RBFOX1: variants seen among roughly 807,000 people sequenced by gnomAD.
RBFOX1 encodes the protein RNA binding fox-1 homolog 1, also known as RNA binding protein fox-1 homolog 1.
A neutral mutation model predicts 57.7 loss-of-function variants in RBFOX1; 8 were observed. The ratio of observed to expected loss-of-function variants is 0.14; its 90% CI spans 0.08 to 0.25. The LOEUF (loss-of-function observed/expected upper bound fraction) is 0.25. RBFOX1 is among the 10% of genes least tolerant of loss of function. The probability of loss-of-function intolerance (pLI) is 1.00; values close to 1 mark genes in which losing one functional copy is unlikely to be tolerated. For synonymous variants in RBFOX1, 326 were observed against 222.4 expected, an observed-to-expected ratio of 1.47 and a Z score of -4.15; for missense variants, 611 against 548.5, an observed-to-expected ratio of 1.11 and a Z score of -1.14.
chr16:6,020,055 G>T, intron 1 of RBFOX1, 63 bp downstream of exon 1: 5 of 1,366,808 alleles, frequency 3.7e-6, no homozygotes, highest in Non-Finnish European at 4.8e-6. Flanking sequence ...GGTCCAGAAG[G>T]TCTCATGGAG....
intron 1 of RBFOX1, among the ~76,000 whole-genome samples, chr16:6,268,099 C>G (rs1230643096): frequency 6.6e-6 from 1 of 152,142 alleles, no homozygotes; most frequent in East Asian, 1.9e-4. Context: ...AAACACAAAC[C>G]CTCAGCTCAG....
intron 2 of RBFOX1, among the ~76,000 whole-genome samples, chr16:6,450,754 C>CATATATATATATGTGTATATATATACAT (rs200812486): frequency 6.8e-5 from 4 of 58,654 alleles, no homozygotes; most frequent in African/African-American, 2.7e-4. Flanking sequence ...TATATATATA[C>CATATATATATATGTGTATATATATACAT]ATATATATAT....
intron 4 of RBFOX1, among the ~76,000 whole-genome samples, chr16:7,122,760 C>A (rs189618810): frequency 3.9e-5 from 6 of 152,264 alleles, no homozygotes. Flanking sequence ...AAAACATGTA[C>A]ATGTCTGTGT....
rs188935353 is a variant in RBFOX1 at position 5,272,911 on chromosome 16, A to G, written c.219+32806A>G. Among the ~76,000 whole-genome samples the G allele has an allele frequency of 2.0e-3, 303 of 152,332 alleles. 1 individual carries two copies. Among genetic ancestry groups the G allele is most frequent in the African/African-American group, 6.8e-3 (282 of 41,572 alleles). On this transcript the variant is annotated intron_variant, in intron 1 of 2. Transcript: ENST00000585867. ...AGATGCAAGAGACTCCACAAATGGG[A>G]TTCAGCCTTTGGAAAGTCATGGTAG... is the stretch of plus-strand genomic sequence containing the variant.
At chr16:6,598,893 C>G (rs999950191) in intron 2 of RBFOX1, among the ~76,000 whole-genome samples, 4 of 152,154 alleles carry the variant, frequency 2.6e-5, no homozygotes, top group South Asian at 2.1e-4. Flanking sequence ...TTACAGTGAG[C>G]TGAGATTGCG....
intron 11 of RBFOX1, among the ~76,000 whole-genome samples, chr16:7,647,541 A>G (rs993047956): frequency 9.3e-6 from 1 of 107,540 alleles, no homozygotes; most frequent in Admixed American, 9.8e-5. Context: ...TTGAAATTGA[A>G]CTAGGAAAAA....
At chr16:7,493,751 T>A (rs1042612908) in intron 4 of RBFOX1, among the ~76,000 whole-genome samples, 1 of 152,194 alleles carries the variant, frequency 6.6e-6, no homozygotes, top group Admixed American at 6.5e-5. Context: ...GGTGACACCT[T>A]GACTTTACGT....
intron 3 of RBFOX1, among the ~76,000 whole-genome samples, chr16:5,648,839 G>A (rs1480815412): frequency 1.3e-5 from 2 of 152,050 alleles, no homozygotes; most frequent in Non-Finnish European, 2.9e-5. Flanking sequence ...CAAAGCAGGC[G>A]GATCACTTGA....
chr16:7,535,102 CT>C (rs1398399959), intron 5 of RBFOX1, among the ~76,000 whole-genome samples: 8 of 152,160 alleles, frequency 5.3e-5, no homozygotes, highest in Non-Finnish European at 1.0e-4. Flanking sequence ...TTATTAACCG[CT>C]TTTATATTCC....
chr16:6,981,866 A>G (rs2088983566), intron 3 of RBFOX1, among the ~76,000 whole-genome samples: 1 of 152,190 alleles, frequency 6.6e-6, no homozygotes, highest in Admixed American at 6.5e-5. Context: ...CACTGATGAC[A>G]TTTAAGTTGA....
chr16:5,276,768 C>G (rs962391912), intron 1 of RBFOX1, among the ~76,000 whole-genome samples: 5 of 152,138 alleles, frequency 3.3e-5, no homozygotes, highest in African/African-American at 1.2e-4. Context: ...GAGACTTCAT[C>G]TCAAAACAAC....
At chr16:5,856,811 G>C (rs2057083799) in intron 3 of RBFOX1, among the ~76,000 whole-genome samples, 1 of 151,426 alleles carries the variant, frequency 6.6e-6, no homozygotes, top group African/African-American at 2.4e-5. Context: ...TTGGGCTTTG[G>C]CTTAAGGGAA....
intron 2 of RBFOX1, among the ~76,000 whole-genome samples, chr16:6,514,792 G>C (rs776647118): frequency 6.6e-6 from 1 of 151,926 alleles, no homozygotes; most frequent in East Asian, 1.9e-4. Flanking sequence ...AAGTGATGGA[G>C]AAAAATGGTG....
intron 5 of RBFOX1, among the ~76,000 whole-genome samples, chr16:7,562,266 G>A (rs1018429501): frequency 5.9e-5 from 9 of 152,120 alleles, no homozygotes; most frequent in Admixed American, 3.3e-4. Context: ...TGCTGGTGTC[G>A]TCCAAAACAG....
intron 4 of RBFOX1, among the ~76,000 whole-genome samples, chr16:5,962,624 ATGT>A (rs1475802850): frequency 6.6e-6 from 1 of 152,120 alleles, no homozygotes; most frequent in African/African-American, 2.4e-5. Flanking sequence ...CACTGAGCAA[ATGT>A]TGTTTATGAT....
chr16:6,675,373 T>C (rs572265980), intron 3 of RBFOX1, among the ~76,000 whole-genome samples: 1 of 152,326 alleles, frequency 6.6e-6, no homozygotes, highest in Admixed American at 6.5e-5. Context: ...TTTCTCATTT[T>C]TTTTTTCTTG....
chr16:5,658,753 T>C (rs2049539113), intron 3 of RBFOX1, among the ~76,000 whole-genome samples: 1 of 147,108 alleles, frequency 6.8e-6, no homozygotes, highest in African/African-American at 2.5e-5. Flanking sequence ...TGTATATATA[T>C]ATATATGTGT....
chr16:7,323,925 TGGGTG>T (rs1305421647), intron 4 of RBFOX1, among the ~76,000 whole-genome samples: 12 of 142,628 alleles, frequency 8.4e-5, no homozygotes, highest in African/African-American at 3.2e-4. Context: ...GGTAGACGGA[TGGGTG>T]GATGATGAGT....
intron 5 of RBFOX1, among the ~76,000 whole-genome samples, chr16:7,550,735 C>T (rs776209837): frequency 2.0e-5 from 3 of 152,102 alleles, no homozygotes; most frequent in Non-Finnish European, 4.4e-5. Flanking sequence ...AGTTTTCAGA[C>T]ACTGCCCTGA....
Sources: gnomAD v4.1 joint callset for allele counts (sites outside exome capture counted in the v4.1 genomes callset) on GRCh38, gnomAD v4.1.1 for gene constraint, MANE v1.5 for transcripts, NCBI Gene and HGNC (gene_info 2026-07-23, HGNC 2026-07-21) for gene names.